COMMD5: variants seen among roughly 807,000 people sequenced by gnomAD.
COMMD5 encodes the protein COMM domain containing 5.
A neutral mutation model predicts 6.9 loss-of-function variants in COMMD5; 10 were observed. The ratio of observed to expected loss-of-function variants is 1.44; its 90% CI spans 0.89 to 2.45. The LOEUF is 2.45. Among genes scored for constraint, COMMD5 ranks in the 30% most tolerant of loss-of-function variants. The probability of loss-of-function intolerance (pLI) is 0.00; values close to 1 mark genes in which losing one functional copy is unlikely to be tolerated. For missense variants in COMMD5, 234 were observed against 287.8 expected, an observed-to-expected ratio of 0.81 and a Z score of 1.35; for synonymous variants, 127 against 125.3, an observed-to-expected ratio of 1.01 and a Z score of -0.09.
At chr8:144,843,092 A>G in intron 1 of COMMD5, 2 of 1,613,010 alleles carry the variant, frequency 1.2e-6, no homozygotes, top group Non-Finnish European at 1.7e-6. Flanking sequence ...GAGAAGCCTT[A>G]TAAATGCAAT....
rs1401831511 is a variant in COMMD5, at chr8:144,850,762, G to C, written c.577C>G (p.Pro193Ala). 1 of 1,614,180 alleles carries C rather than the reference G, an allele frequency of 6.2e-7. No homozygotes were observed. The highest frequency in any genetic ancestry group is 8.5e-7 in the Non-Finnish European group (1 of 1,180,044). The change falls in exon 2 of 2, where the codon CCC (proline) becomes GCC (alanine). Residue 193 changes from proline to alanine, a missense_variant. By Grantham distance (27) the Pro-to-Ala change is conservative (BLOSUM62 -1). Coordinates refer to ENST00000305103, the MANE Select transcript of COMMD5 (RefSeq NM_014066.4). The surrounding 1 kb of genome is among the most constrained non-coding windows in gnomAD (Gnocchi z 4.0). ...SDGSAYRFEV[P>A]TAKFQELRYS... ...CGCAGCTCCTGGAACTTGGCTGTGG[G>C]GACCTCAAAGCGGTATGCTGACCCA...
In COMMD5 at chr8:144,851,237, T is replaced by C; in HGVS notation, c.102A>G (p.Ala34=). ...GGTCCCCTAGTAGCCGGGCCATTGC[T>C]GCCACCTCTGGAGGAAGCTGGGCCC... The part of the protein sequence containing the change: ...FLGAQLPPEV[A]AMARLLGDLD... The change falls in exon 2 of 2, where the codon GCA becomes GCG. Residue 34 remains alanine, a synonymous_variant. Coordinates refer to ENST00000305103, the MANE Select transcript of COMMD5 (RefSeq NM_014066.4). The C allele has an allele frequency of 6.2e-7, 1 of 1,614,074 alleles. No individual in the cohort carries two copies. Among genetic ancestry groups the C allele is most frequent in the East Asian group, 2.2e-5 (1 of 44,886 alleles).
At chr8:144,851,582 C>T (rs547881854) in intron 1 of COMMD5, among the ~76,000 whole-genome samples, 187 bp from the exon 2 acceptor site, 22 of 151,800 alleles carry the variant, frequency 1.4e-4, no homozygotes, top group Non-Finnish European at 2.9e-4. Flanking sequence ...GAGCGGAGGC[C>T]TCCCAGAGGA....
At chr8:144,844,400 TAA>T (rs1239680962) in intron 1 of COMMD5, among the ~76,000 whole-genome samples, 1 of 151,666 alleles carries the variant, frequency 6.6e-6, no homozygotes, top group African/African-American at 2.4e-5. Context: ...GAGGAGGAAA[TAA>T]AGACAGTGGA....
downstream of COMMD5, among the ~76,000 whole-genome samples, chr8:144,845,706 G>A (rs1201514964): frequency 6.6e-6 from 1 of 152,192 alleles, no homozygotes; most frequent in African/African-American, 2.4e-5. Context: ...ACTCCTGACT[G>A]GTGACCTCCC....
At chr8:144,841,714 A>G in exon 2 of COMMD5, 2 of 1,614,206 alleles carry the variant, frequency 1.2e-6, no homozygotes, top group Non-Finnish European at 1.7e-6. Context: ...GGAGTGTGGC[A>G]AAGGCATCAG....
exon 2 of COMMD5, chr8:144,841,596 C>T: frequency 6.2e-7 from 1 of 1,614,174 alleles, no homozygotes; most frequent in African/African-American, 1.3e-5. Flanking sequence ...CCAAGACCTT[C>T]ACCAAGGACG....
intron 1 of COMMD5, among the ~76,000 whole-genome samples, chr8:144,844,583 AC>A (rs1171738920): frequency 1.2e-4 from 18 of 151,752 alleles, no homozygotes; most frequent in African/African-American, 3.4e-4. Context: ...GGTGGCGGGC[AC>A]CTGTAGTCTC....
downstream of COMMD5, among the ~76,000 whole-genome samples, chr8:144,845,609 A>G (rs1350130877): frequency 6.6e-6 from 1 of 152,188 alleles, no homozygotes; most frequent in East Asian, 1.9e-4. Flanking sequence ...CACAGCATCT[A>G]ATTAAGGCTG....
downstream of COMMD5, among the ~76,000 whole-genome samples, chr8:144,847,741 C>G (rs541793794): frequency 1.3e-5 from 2 of 152,178 alleles, no homozygotes; most frequent in Non-Finnish European, 2.9e-5. Context: ...GCTTTGAGCT[C>G]AGGACAGTGC....
At chr8:144,846,068 T>C, downstream of COMMD5, 3 of 1,536,482 alleles carry the variant, frequency 2.0e-6, no homozygotes, top group Non-Finnish European at 2.6e-6. Flanking sequence ...AAAACACTGC[T>C]CACAAAGACT....
Position 144,851,353 on chromosome 8 carries a change from C to G in COMMD5, c.-15G>C. 1 of 1,592,092 alleles carries G rather than the reference C, an allele frequency of 6.3e-7. No homozygotes were observed. ...ACAGCAGACATTGCTGCTGCTTCCT[C>G]TTTGATCAGCCAGCCCAGGAGGTCG... On this transcript the variant is annotated 5_prime_UTR_variant, in exon 2 of 2. Coordinates refer to ENST00000305103, the MANE Select transcript of COMMD5 (RefSeq NM_014066.4).
At chr8:144,847,810 G>A (rs1423775595), downstream of COMMD5, among the ~76,000 whole-genome samples, 1 of 152,172 alleles carries the variant, frequency 6.6e-6, no homozygotes, top group East Asian at 1.9e-4. Flanking sequence ...AGAAAACCAA[G>A]GGAGTAATTT....
At chr8:144,846,102 C>T (rs377425729), downstream of COMMD5, 730 of 1,536,028 alleles carry the variant, frequency 4.8e-4, 9 homozygotes, top group South Asian at 7.8e-3. Flanking sequence ...CCTGGGCTCT[C>T]GTCATCTCCT....
At chr8:144,841,510 C>A in exon 2 of COMMD5, 1 of 1,614,194 alleles carries the variant, frequency 6.2e-7, no homozygotes, top group Non-Finnish European at 8.5e-7. Context: ...GTTAGACAGT[C>A]ATCTGGGCAG....
intron 1 of COMMD5, chr8:144,842,439 C>T: frequency 6.2e-7 from 1 of 1,613,954 alleles, no homozygotes; most frequent in South Asian, 1.1e-5. Context: ...ATAAATGCAA[C>T]AAGTGTACAA....
intron 1 of COMMD5, among the ~76,000 whole-genome samples, chr8:144,844,924 TAGGGAG>T (rs1830429358): frequency 6.7e-6 from 1 of 149,192 alleles, no homozygotes; most frequent in Non-Finnish European, 1.5e-5. Flanking sequence ...GGGGAGAACT[TAGGGAG>T]AGGAAGTGGG....
At chr8:144,841,158 G>A (rs1007603709) in exon 2 of COMMD5, 18 of 612,806 alleles carry the variant, frequency 2.9e-5, no homozygotes, top group Non-Finnish European at 4.6e-5. Context: ...TATCGAATGA[G>A]TGAACAAGGT....
rs769375269 is a variant in COMMD5 at position 144,851,065 on chromosome 8, G to C, written c.274C>G (p.Leu92Val). ...LGALLAGMHTLLQQALRLPPT... is the reference protein window; with the variant it reads ...LGALLAGMHTVLQQALRLPPT... ...GGCAGACGGAGGGCCTGCTGGAGCA[G>C]TGTGTGCATGCCTGCCAGCAGGGCA... Residue 92 changes from leucine to valine, a missense_variant, in exon 2 of 2, where the codon CTG becomes GTG. Transcript: ENST00000305103. 5 of 1,612,516 alleles carry C rather than the reference G, an allele frequency of 3.1e-6. No homozygotes were observed. The highest frequency in any genetic ancestry group is 4.2e-6 in the Non-Finnish European group (5 of 1,179,826).
Sources: allele counts gnomAD v4.1 joint callset (sites outside exome capture counted in the v4.1 genomes callset), GRCh38; gene constraint gnomAD v4.1.1; non-coding constraint Gnocchi (gnomAD v3.1); transcripts MANE v1.5; gene names NCBI Gene and HGNC (gene_info 2026-07-23, HGNC 2026-07-21).